Variants in LRRFIP2 observed in about 807,000 individuals in gnomAD.
LRRFIP2 encodes the protein leucine-rich repeat flightless-interacting protein 2.
LRRFIP2 carries 109 observed loss-of-function variants against 125.9 expected under a neutral mutation model. That is an observed-to-expected ratio of 0.87 (90% CI 0.74 to 1.01). LRRFIP2 has a LOEUF of 1.01. Among genes scored for constraint, LRRFIP2 ranks in the 50% least tolerant of loss-of-function variants. The pLI, the probability that LRRFIP2 is intolerant of heterozygous loss-of-function variation, is 0.00. For missense variants in LRRFIP2, 850 were observed against 862.3 expected, an observed-to-expected ratio of 0.99 and a Z score of 0.18; for synonymous variants, 291 against 293.1, an observed-to-expected ratio of 0.99 and a Z score of 0.07.
At chr3:37,109,476 A>G (rs752578704) in intron 11 of LRRFIP2, 51 bp downstream of exon 11, 11 of 1,591,872 alleles carry the variant, frequency 6.9e-6, no homozygotes. Flanking sequence ...AGTTAGCACC[A>G]TGACATTGAC....
intron 1 of LRRFIP2, among the ~76,000 whole-genome samples, chr3:37,158,863 A>G (rs1199210424): frequency 1.3e-5 from 2 of 152,138 alleles, no homozygotes; most frequent in Non-Finnish European, 2.9e-5. Context: ...TTCAACAAAT[A>G]TTTACTGAGA....
intron 18 of LRRFIP2, among the ~76,000 whole-genome samples, chr3:37,087,781 G>A (rs2093160240): frequency 6.6e-6 from 1 of 152,036 alleles, no homozygotes; most frequent in African/African-American, 2.4e-5. Context: ...TAGAAACAGG[G>A]TTTCACCATG....
At chr3:37,126,683 A>C (rs1442486838) in intron 4 of LRRFIP2, among the ~76,000 whole-genome samples, 1 of 151,620 alleles carries the variant, frequency 6.6e-6, no homozygotes, top group Non-Finnish European at 1.5e-5. Flanking sequence ...ACACGATGAA[A>C]CCCTGTCTCC....
intron 1 of LRRFIP2, among the ~76,000 whole-genome samples, chr3:37,168,649 TG>T (rs1382398723): frequency 6.6e-6 from 1 of 152,216 alleles, no homozygotes; most frequent in Non-Finnish European, 1.5e-5. Context: ...CACTTAAAAA[TG>T]GTTTAAATGA....
chr3:37,085,776 G>A (rs989542318), intron 18 of LRRFIP2, among the ~76,000 whole-genome samples: 2 of 151,784 alleles, frequency 1.3e-5, no homozygotes, highest in African/African-American at 4.8e-5. Context: ...TAGAGATGGG[G>A]TTTCACTATG....
intron 26 of LRRFIP2, 111 bp downstream of exon 26, chr3:37,054,975 C>T (rs2086398679): frequency 1.4e-6 from 1 of 694,050 alleles, no homozygotes; most frequent in African/African-American, 1.9e-5. Context: ...TATTTTAATA[C>T]AGAACTATTA....
intron 6 of LRRFIP2, among the ~76,000 whole-genome samples, chr3:37,120,950 C>A (rs2095006287): frequency 6.6e-6 from 1 of 152,086 alleles, no homozygotes; most frequent in Admixed American, 6.6e-5. Flanking sequence ...ACTTCTCCTT[C>A]CTCCTGACTT....
In LRRFIP2 at chr3:37,103,015, T is replaced by A; in HGVS notation, c.784-2A>T. The A allele has an allele frequency of 6.4e-7, 1 of 1,552,672 alleles. No homozygotes were observed. On this transcript the variant is annotated splice_acceptor_variant, in intron 14 of 27. Transcript: ENST00000336686. LOFTEE classifies it high-confidence loss of function. ...ACTGAAATAATCAGCGGCAGATACC[T>A]TTCGGTCAGAAAAAAAACAAGATGC...
In LRRFIP2 at chr3:37,083,614, GAA is replaced by G. The variant is rs752723046; in HGVS notation, c.1278+20_1278+21del. On this transcript the variant is annotated intron_variant, in intron 19 of 27. Transcript: ENST00000336686. ...CAGGCTTTTATTTTCTGCCCCAAGA[GAA>G]AATACAAGATAAGCATTACCTTTGA... 6.6e-7 allele frequency: 1 copy of G among 1,516,558 alleles called. No individual in the cohort carries two copies. Among genetic ancestry groups the G allele is most frequent in the South Asian group, 1.3e-5 (1 of 76,504 alleles). The allele number at this position is 1,516,558 out of a possible 1,614,324, so 93.9% of individuals were successfully genotyped here.
At chr3:37,154,733 A>G (rs997477847) in intron 1 of LRRFIP2, 2 of 152,366 alleles carry the variant, frequency 1.3e-5, no homozygotes, top group Non-Finnish European at 2.9e-5. Flanking sequence ...GTCTGAAACA[A>G]TAGGCATTTT....
intron 1 of LRRFIP2, among the ~76,000 whole-genome samples, chr3:37,151,079 G>A (rs2096008379): frequency 6.6e-6 from 1 of 152,170 alleles, no homozygotes. Context: ...GGAAACACCA[G>A]CTGGGCATGG....
intron 4 of LRRFIP2, among the ~76,000 whole-genome samples, chr3:37,124,510 C>A (rs553075555): frequency 8.5e-5 from 13 of 152,172 alleles, no homozygotes; most frequent in Non-Finnish European, 4.4e-5. Flanking sequence ...CTGGTAGCAA[C>A]GATATAAAGT....
At chr3:37,151,960 T>A (rs926382438) in intron 1 of LRRFIP2, among the ~76,000 whole-genome samples, 2 of 152,140 alleles carry the variant, frequency 1.3e-5, no homozygotes, top group African/African-American at 4.8e-5. Context: ...GCAATCCCAC[T>A]ACTAGGTCTC....
At chr3:37,109,848 C>A in intron 9 of LRRFIP2, 145 bp from the exon 10 acceptor site, 1 of 661,254 alleles carries the variant, frequency 1.5e-6, no homozygotes, top group African/African-American at 1.8e-5. Context: ...AGTTAAGAAA[C>A]ACAAGAAATA....
At chr3:37,083,861 C>A (rs1052811436) in intron 18 of LRRFIP2, 55 bp from the exon 19 acceptor site, 6 of 1,331,918 alleles carry the variant, frequency 4.5e-6, no homozygotes, top group Non-Finnish European at 6.2e-6. Context: ...TGAATACATG[C>A]AATATAACAG....
intron 1 of LRRFIP2, among the ~76,000 whole-genome samples, chr3:37,169,344 T>C (rs763641201): frequency 6.6e-6 from 1 of 152,216 alleles, no homozygotes; most frequent in Non-Finnish European, 1.5e-5. Flanking sequence ...AGGATGAATC[T>C]GGCAAGACAA....
At chr3:37,104,365 G>A (rs569479646) in intron 14 of LRRFIP2, among the ~76,000 whole-genome samples, 35 of 152,252 alleles carry the variant, frequency 2.3e-4, no homozygotes, top group Admixed American at 2.1e-3. Flanking sequence ...ACTCCACTGC[G>A]TTCCAAGGTG....
At chr3:37,105,070 A>G (rs1377478009) in intron 14 of LRRFIP2, among the ~76,000 whole-genome samples, 3 of 152,232 alleles carry the variant, frequency 2.0e-5, no homozygotes, top group African/African-American at 7.2e-5. Flanking sequence ...ATAGAAAGCA[A>G]TTAATGGTAA....
At chr3:37,137,558 TGAATAGAGAACTAGATAGGTAA>T (rs1162002824) in intron 2 of LRRFIP2, among the ~76,000 whole-genome samples, 1 of 152,212 alleles carries the variant, frequency 6.6e-6, no homozygotes, top group Non-Finnish European at 1.5e-5. Context: ...TCTAGTTCTC[TGAATAGAGAACTAGATAGGTAA>T]ATAATCTTCT....
Sources: allele counts gnomAD v4.1 joint callset (sites outside exome capture counted in the v4.1 genomes callset), GRCh38; gene constraint gnomAD v4.1.1; transcripts MANE v1.5; gene names NCBI Gene and HGNC (gene_info 2026-07-23, HGNC 2026-07-21).